The following MAP2 variants were observed in gnomAD, a reference collection of about 807,000 sequenced individuals.
MAP2 encodes the protein microtubule associated protein 2.
A neutral mutation model predicts 137.6 loss-of-function variants in MAP2; 14 were observed. That is an observed-to-expected ratio of 0.10 (90% CI 0.07 to 0.16). The LOEUF (loss-of-function observed/expected upper bound fraction) is 0.16. MAP2 is among the 10% of genes least tolerant of loss of function. MAP2 has a pLI of 1.00. For missense variants in MAP2, 2,088 were observed against 2,191.5 expected (o/e 0.95, Z 0.94); for synonymous variants, 786 against 782.3 (o/e 1.00, Z -0.08).
intron 14 of MAP2, among the ~76,000 whole-genome samples, chr2:209,726,905 A>G (rs1429225549): frequency 1.3e-5 from 2 of 152,234 alleles, no homozygotes; most frequent in Non-Finnish European, 2.9e-5. Context: ...TGTGTTTGGC[A>G]TCTTAACATG....
chr2:209,688,539 C>T (rs1454360004), intron 7 of MAP2, among the ~76,000 whole-genome samples: 1 of 152,096 alleles, frequency 6.6e-6, no homozygotes. Flanking sequence ...ACAGAAACTA[C>T]AGAGGCTTCC....
intron 2 of MAP2, among the ~76,000 whole-genome samples, chr2:209,537,200 A>G (rs1287684971): frequency 6.6e-6 from 1 of 152,132 alleles, no homozygotes; most frequent in Admixed American, 6.5e-5. Context: ...AATTCTCACG[A>G]TATTTCAAAC....
At chr2:209,434,863 T>C (rs867238275) in intron 1 of MAP2, among the ~76,000 whole-genome samples, 2 of 96,558 alleles carry the variant, frequency 2.1e-5, no homozygotes, top group Admixed American at 2.1e-4. Context: ...TATATATATG[T>C]TATATATATG....
intron 3 of MAP2, among the ~76,000 whole-genome samples, chr2:209,607,191 T>C (rs960062085): frequency 1.6e-4 from 25 of 152,196 alleles, no homozygotes; most frequent in Non-Finnish European, 3.4e-4. Context: ...ATTTAACATT[T>C]AAAACATTTT....
intron 1 of MAP2, among the ~76,000 whole-genome samples, chr2:209,465,343 A>G (rs894229521): frequency 1.3e-5 from 2 of 152,180 alleles, no homozygotes; most frequent in African/African-American, 4.8e-5. Context: ...TGCATTAGTA[A>G]TCTATCATTG....
At chr2:209,457,274 C>T (rs1010352210) in intron 1 of MAP2, among the ~76,000 whole-genome samples, 4 of 152,158 alleles carry the variant, frequency 2.6e-5, no homozygotes, top group African/African-American at 9.7e-5. Context: ...ATCTTTTCTG[C>T]ACTTTCACTG....
intron 2 of MAP2, among the ~76,000 whole-genome samples, chr2:209,547,225 T>C (rs2068255834): frequency 6.6e-6 from 1 of 152,130 alleles, no homozygotes; most frequent in Admixed American, 6.6e-5. Context: ...GCCTCTGTGC[T>C]ACAGCCTGAG....
intron 2 of MAP2, among the ~76,000 whole-genome samples, chr2:209,532,374 A>T (rs568537162): frequency 6.6e-6 from 1 of 152,142 alleles, no homozygotes; most frequent in Non-Finnish European, 1.5e-5. Context: ...TCTTTATCAC[A>T]TGCCTAATGC....
intron 2 of MAP2, among the ~76,000 whole-genome samples, chr2:209,527,747 A>G (rs1004453316): frequency 2.0e-5 from 3 of 152,132 alleles, no homozygotes; most frequent in African/African-American, 7.2e-5. Context: ...TCAGCATCAC[A>G]TGGGTACTTG....
chr2:209,474,983 G>A (rs1575664253), intron 1 of MAP2, among the ~76,000 whole-genome samples: 3 of 151,944 alleles, frequency 2.0e-5, no homozygotes, highest in Admixed American at 6.6e-5. Context: ...TTTCACTCTA[G>A]TATTATTCTT....
Position 209,733,895 on chromosome 2 carries a change from C to G in MAP2, c.*3498C>G, listed in dbSNP as rs45548435. The G allele has an allele frequency of 5.6e-3, 849 of 152,436 alleles. 7 individuals carry two copies. The highest frequency in any genetic ancestry group is 8.0e-3 in the Non-Finnish European group (547 of 67,984). 9.4% of individuals were successfully genotyped at this position (152,436 alleles called of 1,614,324 possible). A position where few individuals can be genotyped will look rare whatever the true frequency, so the allele number is the denominator to read the frequency against. On this transcript the variant is annotated 3_prime_UTR_variant, in exon 16 of 16. Coordinates refer to ENST00000682079, the MANE Select transcript of MAP2 (RefSeq NM_001375505.1). ...TTTAGCAAAAAGAAAAAAAAATCAA[C>G]AAAAAGTATACTCTGTATGCTGGGA...
In MAP2 at chr2:209,694,651, G is replaced by T. The variant is rs1400973898; in HGVS notation, c.2481G>T (p.Glu827Asp). The T allele has an allele frequency of 6.2e-7, 1 of 1,614,146 alleles. No homozygotes were observed. The highest frequency in any genetic ancestry group is 1.3e-5 in the African/African-American group (1 of 75,034). ...TGGCTTCTGTGAGTGCAGATGCTGA[G>T]GTTGCCAGGAGGAAATCAGTCCCAT... ...SRLASVSADA[E>D]VARRKSVPSE... Residue 827 changes from glutamate (E) to aspartate (D), a missense_variant, in exon 8 of 16, where the codon GAG (glutamate) becomes GAT (aspartate). Glu to Asp is a conservative substitution (Grantham distance 45). This residue lies in a region of MAP2 where 500 missense variants were observed against 482.9 expected (regional missense o/e 1.04). Coordinates refer to ENST00000682079, the MANE Select transcript of MAP2 (RefSeq NM_001375505.1).
In MAP2 at chr2:209,694,542, T is replaced by A; in HGVS notation, c.2372T>A (p.Leu791Gln). The A allele has an allele frequency of 6.2e-7, 1 of 1,614,106 alleles. No individual in the cohort carries two copies. The highest frequency in any genetic ancestry group is 8.5e-7 in the Non-Finnish European group (1 of 1,179,988). Residue 791 changes from leucine (L) to glutamine (Q), a missense_variant, in exon 8 of 16, where the codon CTA becomes CAA. Leu to Gln is a moderately radical substitution (Grantham distance 113). Coordinates refer to ENST00000682079, the MANE Select transcript of MAP2 (RefSeq NM_001375505.1). ...QAEISCESPF[L>Q]AKDFYKNGTV... ...GAGATATCATGTGAGTCTCCTTTCC[T>A]AGCCAAAGATTTTTACAAAAATGGT...
At chr2:209,670,803 G>A (rs1236771251) in intron 5 of MAP2, among the ~76,000 whole-genome samples, 1 of 151,830 alleles carries the variant, frequency 6.6e-6, no homozygotes, top group Non-Finnish European at 1.5e-5. Flanking sequence ...GTCAAAATTT[G>A]TGGCCACTAC....
chr2:209,445,588 C>T (rs1223842668), intron 1 of MAP2, among the ~76,000 whole-genome samples: 3 of 151,512 alleles, frequency 2.0e-5, no homozygotes, highest in Non-Finnish European at 4.4e-5. Flanking sequence ...ATCCTCTGGG[C>T]ACGTAACTAA....
At chr2:209,481,951 G>A (rs2365658) in intron 1 of MAP2, among the ~76,000 whole-genome samples, 81,213 of 151,868 alleles carry the variant, frequency 0.53, 22,545 homozygotes, top group Middle Eastern at 0.63. Context: ...AAATACACGA[G>A]CATTCTCTTC....
intron 1 of MAP2, among the ~76,000 whole-genome samples, chr2:209,444,131 G>A (rs1698474245): frequency 6.6e-6 from 1 of 151,402 alleles, no homozygotes; most frequent in African/African-American, 2.4e-5. Flanking sequence ...TAATTTAATG[G>A]CAATAAATGA....
intron 1 of MAP2, among the ~76,000 whole-genome samples, chr2:209,477,412 T>G (rs114168755): frequency 1.8e-3 from 277 of 152,162 alleles, no homozygotes; most frequent in African/African-American, 6.2e-3. Flanking sequence ...AAATTAAAAA[T>G]AATGACAATA....
intron 1 of MAP2, among the ~76,000 whole-genome samples, chr2:209,476,619 T>C (rs961054867): frequency 6.6e-6 from 1 of 152,100 alleles, no homozygotes; most frequent in African/African-American, 2.4e-5. Flanking sequence ...CATTAGAGGT[T>C]TTATGTCTTG....
Sources: allele counts gnomAD v4.1 joint callset (sites outside exome capture counted in the v4.1 genomes callset), GRCh38; gene constraint gnomAD v4.1.1; regional missense constraint gnomAD v4.1.1; transcripts MANE v1.5; gene names NCBI Gene and HGNC (gene_info 2026-07-23, HGNC 2026-07-21).